The following ARHGAP42 variants were observed in gnomAD, a reference collection of about 807,000 sequenced individuals.
The protein encoded by ARHGAP42 is Rho GTPase activating protein 42, also known as rho GTPase-activating protein 42.
In ARHGAP42, 63 loss-of-function variants were observed where a neutral mutation model predicts 125.0. The observed-to-expected ratio is 0.50, with a 90% CI of 0.41 to 0.62. The LOEUF (loss-of-function observed/expected upper bound fraction) is 0.62, where lower values mean the gene tolerates loss of function less well. ARHGAP42 is among the 20% of genes least tolerant of loss of function. ARHGAP42 has a pLI of 0.00. For synonymous variants in ARHGAP42, 339 were observed against 351.0 expected (o/e 0.97, Z 0.38); for missense variants, 766 against 1,024.2 (o/e 0.75, Z 3.44).
intron 1 of ARHGAP42, among the ~76,000 whole-genome samples, chr11:100,765,545 T>G (rs1233386076): frequency 6.6e-6 from 1 of 152,170 alleles, no homozygotes; most frequent in East Asian, 1.9e-4. Flanking sequence ...ATGGGTTAAT[T>G]TATATTAAAT....
chr11:100,779,557 C>CGTATATATACGTATATATATACATATAT (rs1565210737), intron 2 of ARHGAP42, among the ~76,000 whole-genome samples: 3 of 137,818 alleles, frequency 2.2e-5, no homozygotes, highest in African/African-American at 8.7e-5. Context: ...TATACATATA[C>CGTATATATACGTATATATATACATATAT]ATACGTATAT....
chr11:100,864,417 A>C (rs1024619200), intron 4 of ARHGAP42, among the ~76,000 whole-genome samples: 8 of 151,986 alleles, frequency 5.3e-5, no homozygotes, highest in African/African-American at 1.9e-4. Flanking sequence ...CCTGACCTCA[A>C]GTGATCCGCC....
intron 1 of ARHGAP42, among the ~76,000 whole-genome samples, chr11:100,745,356 G>A (rs755682321): frequency 6.6e-6 from 1 of 152,116 alleles, no homozygotes; most frequent in Non-Finnish European, 1.5e-5. Flanking sequence ...AAAAGAAGAA[G>A]CTTCACTGGA....
intron 22 of ARHGAP42, among the ~76,000 whole-genome samples, chr11:100,982,311 C>A (rs1858564960): frequency 6.6e-6 from 1 of 152,148 alleles, no homozygotes; most frequent in Non-Finnish European, 1.5e-5. Context: ...GACCATGCTG[C>A]AAGACTTGTT....
chr11:100,767,646 T>C (rs890138080), intron 1 of ARHGAP42, among the ~76,000 whole-genome samples: 1 of 152,002 alleles, frequency 6.6e-6, no homozygotes, highest in African/African-American at 2.4e-5. Context: ...AGAAGAACGC[T>C]TGGTGGTGGC....
chr11:100,831,933 G>C (rs926004819), intron 3 of ARHGAP42, among the ~76,000 whole-genome samples: 3 of 152,208 alleles, frequency 2.0e-5, no homozygotes, highest in African/African-American at 7.2e-5. Context: ...CTTGGAAATG[G>C]AGGAATTCAT....
chr11:100,992,063 C>T lies in ARHGAP42; in HGVS notation c.*3262C>T, dbSNP rs967031245. On this transcript the variant is annotated 3_prime_UTR_variant, in exon 24 of 24. Transcript: ENST00000298815. ...CTGCTCACCTTCTCACTCCTAGCAC[C>T]GTTCTTCTGGTCTGTGTTGAAAAGG... The T allele has an allele frequency of 1.7e-5, 8 of 475,518 alleles. No individual in the cohort carries two copies. The highest frequency in any genetic ancestry group is 7.7e-5 in the African/African-American group (4 of 51,728). 29.5% of individuals were successfully genotyped at this position (475,518 alleles called of 1,614,324 possible). A position where few individuals can be genotyped will look rare whatever the true frequency, so the allele number is the denominator to read the frequency against.
intron 22 of ARHGAP42, among the ~76,000 whole-genome samples, chr11:100,985,105 CCTCA>C (rs1858641228): frequency 6.6e-6 from 1 of 152,100 alleles, no homozygotes; most frequent in African/African-American, 2.4e-5. Context: ...TTTTCCCCTC[CCTCA>C]ACCAGTCCCA....
chr11:100,938,047 T>C (rs2135267739), intron 8 of ARHGAP42, among the ~76,000 whole-genome samples: 1 of 109,456 alleles, frequency 9.1e-6, no homozygotes, highest in East Asian at 3.0e-4. Context: ...TACTGACCTC[T>C]TCTCTGATTT....
Position 100,948,548 on chromosome 11 carries a change from C to T in ARHGAP42, c.1122+13C>T. On this transcript the variant is annotated intron_variant, in intron 11 of 23. Coordinates refer to ENST00000298815, the MANE Select transcript of ARHGAP42 (RefSeq NM_152432.4). ...TGGGAAGGAACCGGTAAGACTATGA[C>T]ACATTCTATAATTTAGGTTTTATTG... is the stretch of plus-strand genomic sequence containing the variant. 2.0e-6 allele frequency: 3 copies of T among 1,536,852 alleles called. No homozygotes were observed. The highest frequency in any genetic ancestry group is 2.6e-6 in the Non-Finnish European group (3 of 1,138,356).
At chr11:100,722,964 G>A (rs1861790356) in intron 1 of ARHGAP42, among the ~76,000 whole-genome samples, 1 of 152,130 alleles carries the variant, frequency 6.6e-6, no homozygotes, top group South Asian at 2.1e-4. Context: ...TCCATTTCGA[G>A]TTCACTTTTG....
chr11:100,734,155 G>A (rs1165501536), intron 1 of ARHGAP42, among the ~76,000 whole-genome samples: 1 of 151,186 alleles, frequency 6.6e-6, no homozygotes. Context: ...GGCTAGTCTC[G>A]AACTCCTGAC....
At chr11:100,883,253 T>C (rs2135179702) in intron 4 of ARHGAP42, among the ~76,000 whole-genome samples, 1 of 152,328 alleles carries the variant, frequency 6.6e-6, no homozygotes, top group East Asian at 1.9e-4. Context: ...AACTGAGCTA[T>C]TGAAGGACAG....
At chr11:100,861,455 T>A (rs1189717246) in intron 4 of ARHGAP42, among the ~76,000 whole-genome samples, 1 of 152,186 alleles carries the variant, frequency 6.6e-6, no homozygotes, top group African/African-American at 2.4e-5. Flanking sequence ...TCATTCTAGA[T>A]GCATATCATG....
At chr11:100,708,336 AC>A (rs1399119029) in intron 1 of ARHGAP42, among the ~76,000 whole-genome samples, 1 of 151,996 alleles carries the variant, frequency 6.6e-6, no homozygotes, top group East Asian at 1.9e-4. Flanking sequence ...ACATAGCGAG[AC>A]CCCATCTCTA....
intron 1 of ARHGAP42, 100 bp from the exon 2 acceptor site, chr11:100,770,243 T>C: frequency 1.2e-6 from 1 of 811,464 alleles, no homozygotes; most frequent in Non-Finnish European, 1.9e-6. Context: ...TTCTGGTTCA[T>C]ATAATACAAA....
chr11:100,935,711 T>G (rs905154066), intron 7 of ARHGAP42, among the ~76,000 whole-genome samples: 2 of 150,120 alleles, frequency 1.3e-5, no homozygotes, highest in African/African-American at 4.9e-5. Context: ...AAGAGAAACA[T>G]GCAGAAGGTC....
intron 4 of ARHGAP42, chr11:100,859,920 T>C (rs201466895): frequency 4.5e-6 from 1 of 220,386 alleles, no homozygotes; most frequent in East Asian, 8.9e-5. Context: ...TGTTCCTAAA[T>C]AAAATAAAAA....
chr11:100,760,235 C>T (rs541097696), intron 1 of ARHGAP42, among the ~76,000 whole-genome samples: 38 of 152,214 alleles, frequency 2.5e-4, no homozygotes, highest in African/African-American at 9.2e-4. Context: ...CTGTTTCTGA[C>T]GTGCACAATG....
Sources: allele counts gnomAD v4.1 joint callset (sites outside exome capture counted in the v4.1 genomes callset), GRCh38; gene constraint gnomAD v4.1.1; transcripts MANE v1.5; gene names NCBI Gene and HGNC (gene_info 2026-07-23, HGNC 2026-07-21).